ACTN1: variants seen among roughly 807,000 people sequenced by gnomAD.
The protein encoded by ACTN1 is actinin alpha 1, also known as alpha-actinin-1.
A neutral mutation model predicts 119.6 loss-of-function variants in ACTN1; 30 were observed. That is an observed-to-expected ratio of 0.25 (90% confidence interval 0.19 to 0.34). The LOEUF is 0.34. ACTN1 is among the 10% of genes least tolerant of loss of function. The pLI, the probability that ACTN1 is intolerant of heterozygous loss-of-function variation, is 1.00. For synonymous variants in ACTN1, 429 were observed against 472.6 expected (o/e 0.91, Z 1.20); for missense variants, 764 against 1,223.4 (o/e 0.62, Z 5.60).
intron 1 of ACTN1, chr14:68,936,869 C>T (rs2035547409): frequency 3.4e-6 from 2 of 581,812 alleles, no homozygotes; most frequent in Non-Finnish European, 6.8e-6. Flanking sequence ...TCTTGTGATG[C>T]TCTCTGGGAA....
Position 68,979,170 on chromosome 14 carries a change from C to T in ACTN1, c.-114G>A. The T allele has an allele frequency of 1.7e-5, 8 of 473,890 alleles. No homozygotes were observed. Among genetic ancestry groups the T allele is most frequent in the East Asian group, 1.3e-4 (2 of 15,842 alleles). The allele number at this position is 473,890 out of a possible 1,614,324, so 29.4% of individuals were successfully genotyped here. A position where few individuals can be genotyped will look rare whatever the true frequency, so the allele number is the denominator to read the frequency against. On this transcript the variant is annotated 5_prime_UTR_variant, in exon 1 of 22. Coordinates refer to ENST00000394419, the MANE Select transcript of ACTN1 (RefSeq NM_001130004.2). ...CTGGGCTGGGCTGGGCTGGCGGGGC[C>T]GGGCTCGCTCCCCTGCGCCCGGTTC...
chr14:68,948,846 C>G (rs1410026028), intron 1 of ACTN1, among the ~76,000 whole-genome samples: 1 of 152,208 alleles, frequency 6.6e-6, no homozygotes, highest in Admixed American at 6.5e-5. Flanking sequence ...GCTGACAGAA[C>G]AGACACACTG....
At position 68,880,257 on chromosome 14, in the gene ACTN1, C is replaced by T. The variant is rs2031370406; in HGVS notation, c.2134-149G>A. ...CTGAGTGTCACCAGAGGAAGGGGAA[C>T]CAGGACAAGGACAACCTACTAGGAC... On this transcript the variant is annotated intron_variant, in intron 17 of 21. Transcript: ENST00000394419. The surrounding 1 kb of genome is among the most constrained non-coding windows in gnomAD (Gnocchi z 4.6). 2 of 986,438 alleles carry T rather than the reference C, an allele frequency of 2.0e-6. No homozygotes were observed. The highest frequency in any genetic ancestry group is 2.9e-6 in the Non-Finnish European group (2 of 684,516). 61.1% of individuals were successfully genotyped at this position (986,438 alleles called of 1,614,324 possible).
intron 1 of ACTN1, chr14:68,936,748 T>G (rs2035539854): frequency 1.6e-6 from 1 of 624,530 alleles, no homozygotes; most frequent in Non-Finnish European, 3.1e-6. Context: ...CAGTTTCTGG[T>G]GCTGAAGAAA....
chr14:68,880,730 C>T lies in ACTN1; in HGVS notation c.2133+80G>A. The T allele has an allele frequency of 1.4e-6, 2 of 1,465,580 alleles. No homozygotes were observed. The highest frequency in any genetic ancestry group is 1.9e-6 in the Non-Finnish European group (2 of 1,063,882). The allele number at this position is 1,465,580 out of a possible 1,614,324, so 90.8% of individuals were successfully genotyped here. The stretch of plus-strand genomic sequence containing the variant: ...TTTATCCTCCAACTATGACCTGTTC[C>T]CTTGGAGACTTCCCCACCCAGGAGA... On this transcript the variant is annotated intron_variant, in intron 17 of 21. Transcript: ENST00000394419. This position sits in a 1 kb window ranked among gnomAD's most constrained non-coding sequence, Gnocchi z 4.6.
chr14:68,923,480 G>C (rs2034758809), intron 2 of ACTN1, among the ~76,000 whole-genome samples: 1 of 152,016 alleles, frequency 6.6e-6, no homozygotes, highest in African/African-American at 2.4e-5. Context: ...AACTGGGGAA[G>C]GGTAGTGGAG....
At chr14:68,969,081 C>A (rs1483368711) in intron 1 of ACTN1, among the ~76,000 whole-genome samples, 1 of 152,162 alleles carries the variant, frequency 6.6e-6, no homozygotes, top group Admixed American at 6.5e-5. Context: ...GGGTGGCACA[C>A]GGGCCCACTA....
chr14:68,882,592 C>T lies in ACTN1; in HGVS notation c.1819G>A (p.Val607Met). The stretch of plus-strand genomic sequence containing the variant: ...TCCCTCCGAGGCACCAGCTGCCGCA[C>T]CTGGGGCAGGAACAACAAGGCGACT... ...PQEINGKWDHVRQLVPRRDQA... is the reference protein window; with the variant it reads ...PQEINGKWDHMRQLVPRRDQA... The change falls in exon 16 of 22, where the codon GTG becomes ATG. Residue 607 changes from valine (V) to methionine (M), a missense_variant and splice_region_variant. Val to Met is a conservative substitution (Grantham distance 21). Around this residue, in one of 4 missense-constraint regions of ACTN1, gnomAD observed 544 missense variants for 912.0 expected, o/e 0.60. Transcript: ENST00000394419. The surrounding 1 kb of genome is among the most constrained non-coding windows in gnomAD (Gnocchi z 4.5). The T allele has an allele frequency of 1.2e-6, 2 of 1,614,058 alleles. No homozygotes were observed. Among genetic ancestry groups the T allele is most frequent in the Non-Finnish European group, 1.7e-6 (2 of 1,179,954 alleles).
chr14:68,936,819 C>T, intron 1 of ACTN1: 1 of 602,592 alleles, frequency 1.7e-6, no homozygotes. Context: ...CAAGCAATCC[C>T]AGAACTGCTT....
chr14:68,960,918 A>G (rs1332944107), intron 1 of ACTN1, among the ~76,000 whole-genome samples: 1 of 152,082 alleles, frequency 6.6e-6, no homozygotes, highest in Non-Finnish European at 1.5e-5. Context: ...GAATGTAAAA[A>G]TTAGCCAGGC....
intron 1 of ACTN1, among the ~76,000 whole-genome samples, chr14:68,928,967 C>T (rs1253400061): frequency 1.3e-5 from 2 of 151,876 alleles, no homozygotes; most frequent in African/African-American, 4.8e-5. Context: ...AGGGGTGGAA[C>T]TGTGGTGAGT....
intron 1 of ACTN1, among the ~76,000 whole-genome samples, chr14:68,956,239 G>A (rs992079545): frequency 1.3e-4 from 20 of 152,160 alleles, no homozygotes; most frequent in African/African-American, 4.3e-4. Flanking sequence ...GCAGAGGGAG[G>A]GGGATCGCTT....
chr14:68,882,646 T>C lies in ACTN1; in HGVS notation c.1819-54A>G, dbSNP rs1363698489. The C allele has an allele frequency of 1.9e-6, 3 of 1,606,476 alleles. No individual in the cohort carries two copies. Among genetic ancestry groups the C allele is most frequent in the African/African-American group, 1.3e-5 (1 of 74,942 alleles). On this transcript the variant is annotated intron_variant, in intron 15 of 21. Transcript: ENST00000394419. The surrounding 1 kb of genome is among the most constrained non-coding windows in gnomAD (Gnocchi z 4.5). ...AGGATGGGTCAGCCATCTGTCCATG[T>C]GCCAGATGAGGAAATGGAGGACCCA...
At chr14:68,911,804 G>A (rs1208033360) in intron 4 of ACTN1, among the ~76,000 whole-genome samples, 1 of 152,222 alleles carries the variant, frequency 6.6e-6, no homozygotes, top group African/African-American at 2.4e-5. Flanking sequence ...CAAAGTGGAG[G>A]ACGGGGTTAG....
At chr14:68,956,170 A>G (rs2036345631) in intron 1 of ACTN1, among the ~76,000 whole-genome samples, 1 of 152,136 alleles carries the variant, frequency 6.6e-6, no homozygotes, top group Non-Finnish European at 1.5e-5. Flanking sequence ...CCCTGTCTCA[A>G]AAACAAAAAA....
At chr14:68,892,305 G>GC in intron 9 of ACTN1, 22 bp from the exon 10 acceptor site, 1 of 1,599,530 alleles carries the variant, frequency 6.3e-7, no homozygotes, top group Non-Finnish European at 8.5e-7. Context: ...AGGCGGTGGG[G>GC]GCAGGAGGTG....
At chr14:68,889,918 A>C (rs2032338818) in intron 11 of ACTN1, among the ~76,000 whole-genome samples, 1 of 152,264 alleles carries the variant, frequency 6.6e-6, no homozygotes, top group Non-Finnish European at 1.5e-5. Flanking sequence ...TAACTGATTC[A>C]ATTCTTACAA....
intron 3 of ACTN1, among the ~76,000 whole-genome samples, chr14:68,919,577 G>A (rs2034528273): frequency 6.6e-6 from 1 of 152,218 alleles, no homozygotes. Context: ...GCATCATGCT[G>A]CTAGGAACTG....
intron 13 of ACTN1, 145 bp from the exon 14 acceptor site, chr14:68,884,453 G>A: frequency 9.8e-7 from 1 of 1,018,644 alleles, no homozygotes; most frequent in East Asian, 2.6e-5. Context: ...CCAGCTGTAT[G>A]AACCATCTCA....
Sources: allele counts gnomAD v4.1 joint callset (sites outside exome capture counted in the v4.1 genomes callset), GRCh38; gene constraint gnomAD v4.1.1; regional missense constraint gnomAD v4.1.1; non-coding constraint Gnocchi (gnomAD v3.1); transcripts MANE v1.5; gene names NCBI Gene and HGNC (gene_info 2026-07-23, HGNC 2026-07-21).